NCOR2: variants seen among roughly 807,000 people sequenced by gnomAD.
NCOR2 encodes nuclear receptor corepressor 2, also known as CTG repeat protein 26.
A neutral mutation model predicts 262.9 loss-of-function variants in NCOR2; 81 were observed. That is an observed-to-expected ratio of 0.31 (90% CI 0.26 to 0.37). NCOR2 has a LOEUF of 0.37. Among genes scored for constraint, NCOR2 ranks in the 10% least tolerant of loss-of-function variants. NCOR2 has a pLI of 1.00. For missense variants in NCOR2, 3,385 were observed against 3,621.4 expected, an observed-to-expected ratio of 0.93 and a Z score of 1.68; for synonymous variants, 1,659 against 1,559.3, an observed-to-expected ratio of 1.06 and a Z score of -1.51.
chr12:124,434,628 C>T (rs2044222131), intron 8 of NCOR2, among the ~76,000 whole-genome samples: 1 of 152,176 alleles, frequency 6.6e-6, no homozygotes, highest in South Asian at 2.1e-4. Context: ...TCCTCTCCTG[C>T]CCTCCCGAGA....
At chr12:124,363,947 C>A (rs1593225568) in intron 20 of NCOR2, 148 bp from the exon 23 acceptor site, 1 of 591,610 alleles carries the variant, frequency 1.7e-6, no homozygotes, top group South Asian at 8.0e-5. Flanking sequence ...GCAGCTCACC[C>A]AGATAATGTC....
chr12:124,370,621 C>T (rs921701133), intron 20 of NCOR2, among the ~76,000 whole-genome samples: 55 of 152,234 alleles, frequency 3.6e-4, no homozygotes, highest in Non-Finnish European at 4.6e-4. Flanking sequence ...GCAGTCTCCG[C>T]GGGTCTGCCC....
intron 13 of NCOR2, among the ~76,000 whole-genome samples, chr12:124,410,021 A>G (rs934952464): frequency 1.3e-5 from 2 of 151,392 alleles, no homozygotes; most frequent in Non-Finnish European, 2.9e-5. Context: ...CTAGAATGAC[A>G]TCCCTGCAGA....
chr12:124,517,295 A>G lies in NCOR2; in HGVS notation c.-118+18270T>C, dbSNP rs2049867053. Reference sequence around the variant, plus strand: ...CTGGGCTCAGAGGTCCCCAGGAGCCATTCCCGCCACCTCCCTATGGCCGCG... The same window carrying G: ...CTGGGCTCAGAGGTCCCCAGGAGCCGTTCCCGCCACCTCCCTATGGCCGCG... On this transcript the variant is annotated intron_variant, in intron 1 of 46. Coordinates refer to the NCOR2 transcript ENST00000404621. The surrounding 1 kb of genome is among the most constrained non-coding windows in gnomAD (Gnocchi z 7.6). 6.6e-6 allele frequency among the ~76,000 whole-genome samples: 1 copy of G among 152,046 alleles called. No individual in the cohort carries two copies. Among genetic ancestry groups the G allele is most frequent in the African/African-American group, 2.4e-5 (1 of 41,392 alleles).
intron 30 of NCOR2, chr12:124,347,620 A>C: frequency 3.5e-6 from 2 of 577,462 alleles, no homozygotes; most frequent in Non-Finnish European, 3.1e-6. Context: ...GATCGGTGGT[A>C]TTTTGCTTTT....
chr12:124,355,128 C>T (rs1361523263), intron 24 of NCOR2, 189 bp from the exon 27 acceptor site: 3 of 618,006 alleles, frequency 4.9e-6, no homozygotes, highest in South Asian at 4.0e-5. Flanking sequence ...GGGGCCATGC[C>T]CTCTGAGCCC....
upstream of NCOR2, among the ~76,000 whole-genome samples, chr12:124,500,041 A>G (rs964955728): frequency 6.6e-6 from 1 of 152,288 alleles, no homozygotes; most frequent in East Asian, 1.9e-4. Context: ...TGCCTGTGGC[A>G]TACCGAGAGG....
intron 3 of NCOR2, among the ~76,000 whole-genome samples, chr12:124,479,622 C>T (rs968848641): frequency 6.6e-6 from 1 of 152,268 alleles, no homozygotes; most frequent in African/African-American, 2.4e-5. Flanking sequence ...ATCCAGGCCC[C>T]ACTTCAGGGG....
intron 31 of NCOR2, among the ~76,000 whole-genome samples, chr12:124,345,506 T>C (rs893334940): frequency 1.1e-4 from 16 of 152,048 alleles, no homozygotes; most frequent in African/African-American, 3.9e-4. Context: ...GGCCACCAGG[T>C]CCCCTGCCTC....
rs546862876 is a variant in NCOR2, at chr12:124,483,791, T to A, written c.234-18A>T. On this transcript the variant is annotated intron_variant, in intron 2 of 46. Coordinates refer to ENST00000405201, the Ensembl canonical transcript of NCOR2. This position sits in a 1 kb window ranked among gnomAD's most constrained non-coding sequence, Gnocchi z 6.3. ...CCTGGGACCTGCAGGAGGTGAGGCATCCAACGTCACATAGGAGATTGCGGC... is the reference window on the plus strand; with the variant it reads ...CCTGGGACCTGCAGGAGGTGAGGCAACCAACGTCACATAGGAGATTGCGGC... 5 of 1,579,986 alleles carry A rather than the reference T, an allele frequency of 3.2e-6. No individual in the cohort carries two copies. The East Asian group carries it at 1.1e-4, about 36-fold the overall frequency.
At chr12:124,488,725 C>T (rs2047912779) in intron 1 of NCOR2, among the ~76,000 whole-genome samples, 1 of 152,218 alleles carries the variant, frequency 6.6e-6, no homozygotes, top group Non-Finnish European at 1.5e-5. Flanking sequence ...AGCAGCAGGC[C>T]TCACAGTCTG....
intron 13 of NCOR2, among the ~76,000 whole-genome samples, chr12:124,415,461 A>G (rs879935853): frequency 3.9e-5 from 6 of 152,240 alleles, no homozygotes; most frequent in Admixed American, 1.3e-4. Context: ...TCAGCCCCAG[A>G]GTTAGCACTT....
chr12:124,377,995 G>C (rs998277173), intron 18 of NCOR2, among the ~76,000 whole-genome samples: 2 of 152,118 alleles, frequency 1.3e-5, no homozygotes, highest in African/African-American at 4.8e-5. Context: ...AGAGCTGAGC[G>C]AGGCTTGGGG....
At chr12:124,356,852 A>AC in intron 22 of NCOR2, 70 bp from the exon 25 acceptor site, 1 of 1,404,100 alleles carries the variant, frequency 7.1e-7, no homozygotes, top group South Asian at 1.6e-5. Flanking sequence ...GCCCTGGCTG[A>AC]CCCTACACAA....
At chr12:124,416,568 G>A (rs2136273411) in intron 13 of NCOR2, among the ~76,000 whole-genome samples, 1 of 139,192 alleles carries the variant, frequency 7.2e-6, no homozygotes, top group African/African-American at 2.7e-5. Flanking sequence ...GGCACAGATA[G>A]ACCCCGCGGC....
chr12:124,422,785 C>A (rs1218276708), intron 11 of NCOR2, among the ~76,000 whole-genome samples: 1 of 152,226 alleles, frequency 6.6e-6, no homozygotes, highest in African/African-American at 2.4e-5. Flanking sequence ...CTGGCTTTAG[C>A]GCCTTTGAAA....
At chr12:124,502,222 G>T (rs928435230) in intron 1 of NCOR2, among the ~76,000 whole-genome samples, 2 of 152,234 alleles carry the variant, frequency 1.3e-5, no homozygotes, top group African/African-American at 4.8e-5. Flanking sequence ...GAGGAAGGGG[G>T]TGAAGAGAGA....
At chr12:124,351,768 T>C (rs934790056) in intron 27 of NCOR2, among the ~76,000 whole-genome samples, 2 of 152,216 alleles carry the variant, frequency 1.3e-5, no homozygotes, top group South Asian at 2.1e-4. Context: ...ATGGAGACCT[T>C]CTGCATTGAT....
At chr12:124,334,252 T>C (rs1320126303) in intron 41 of NCOR2, 172 bp downstream of exon 43, 1 of 528,948 alleles carries the variant, frequency 1.9e-6, no homozygotes. Flanking sequence ...CTATTATTCG[T>C]TATGTATCCG....
Sources: gnomAD v4.1 joint callset for allele counts (sites outside exome capture counted in the v4.1 genomes callset) on GRCh38, gnomAD v4.1.1 for gene constraint, Gnocchi (gnomAD v3.1) non-coding constraint, MANE v1.5 for transcripts, NCBI Gene and HGNC (gene_info 2026-07-23, HGNC 2026-07-21) for gene names.